Variants in GUCY2D observed in about 807,000 individuals in gnomAD.
The protein encoded by GUCY2D is retinal guanylyl cyclase 1.
GUCY2D carries 70 observed loss-of-function variants against 101.3 expected under a neutral mutation model. The ratio of observed to expected loss-of-function variants is 0.69; its 90% CI spans 0.57 to 0.84. GUCY2D has a LOEUF of 0.84. Among genes scored for constraint, GUCY2D ranks in the 40% least tolerant of loss-of-function variants. The pLI is 0.00. For missense variants in GUCY2D, 1,460 were observed against 1,542.5 expected (o/e 0.95, Z 0.90); for synonymous variants, 688 against 670.7 (o/e 1.03, Z -0.40).
Position 8,012,616 on chromosome 17 carries a change from C to G in GUCY2D, c.2113+10C>G. The G allele has an allele frequency of 6.2e-7, 1 of 1,608,570 alleles. No homozygotes were observed. Among genetic ancestry groups the G allele is most frequent in the South Asian group, 1.1e-5 (1 of 90,978 alleles). ...CCTCCCAGAGCGGAGGGTAAGAGTC[C>G]CCTGTGCAGACGAGGATCCACCGGG... On this transcript the variant is annotated intron_variant, in intron 10 of 19. Transcript: ENST00000254854.
At chr17:8,006,223 T>C in intron 3 of GUCY2D, 140 bp from the exon 4 acceptor site, 1 of 712,938 alleles carries the variant, frequency 1.4e-6, no homozygotes, top group Non-Finnish European at 2.5e-6. Context: ...GAGGAAGAGA[T>C]AGCCAATGGG....
rs1189197351 is a variant in GUCY2D at position 8,007,494 on chromosome 17, C to T, written c.1532C>T (p.Thr511Ile). 6.2e-7 allele frequency: 1 copy of T among 1,611,652 alleles called. No individual in the cohort carries two copies. Among genetic ancestry groups the T allele is most frequent in the African/African-American group, 1.3e-5 (1 of 74,880 alleles). ...ATCATCCTGACCGTGGACGACATCA[C>T]CTTTCTCCACCCACATGGGGGCACC... is the stretch of plus-strand genomic sequence containing the variant. ...NKIILTVDDI[T>I]FLHPHGGTSR... Residue 511 changes from threonine to isoleucine, a missense_variant, in exon 6 of 20, where the codon ACC (threonine) becomes ATC (isoleucine). Transcript: ENST00000254854.
At chr17:8,017,030 T>C (rs1286157889) in intron 19 of GUCY2D, among the ~76,000 whole-genome samples, 2 of 152,178 alleles carry the variant, frequency 1.3e-5, no homozygotes, top group Non-Finnish European at 2.9e-5. Context: ...TTCTTCAGGA[T>C]TGTTCTGGAA....
chr17:8,007,907 C>T, intron 6 of GUCY2D, 24 bp from the exon 7 acceptor site: 1 of 1,452,416 alleles, frequency 6.9e-7, no homozygotes, highest in Non-Finnish European at 9.7e-7. Context: ...ATTTTGACCT[C>T]TTGCATTGAC....
Position 8,016,301 on chromosome 17 carries a change from G to T in GUCY2D, c.3224+11G>T, listed in dbSNP as rs771645454. ...TGACCTGCAACCGGGGTGAGGGGCC[G>T]GCCTCCGCGGCAGGGCGAGGGACGA... On this transcript the variant is annotated intron_variant, in intron 18 of 19. Coordinates refer to ENST00000254854, the MANE Select transcript of GUCY2D (RefSeq NM_000180.4). 4 of 1,548,538 alleles carry T rather than the reference G, an allele frequency of 2.6e-6. No homozygotes were observed. In the South Asian group the frequency reaches 4.7e-5, roughly 18 times the overall value.
At chr17:8,006,824 G>T in intron 4 of GUCY2D, 110 bp downstream of exon 4, 1 of 1,041,548 alleles carries the variant, frequency 9.6e-7, no homozygotes, top group Admixed American at 2.0e-5. Flanking sequence ...GCCCTTCTAG[G>T]CCCTCTCCCA....
rs771232307 is a variant in GUCY2D at position 8,003,192 on chromosome 17, G to A, written c.145G>A (p.Ala49Thr). The A allele has an allele frequency of 2.0e-6, 3 of 1,517,348 alleles. No homozygotes were observed. Among genetic ancestry groups the A allele is most frequent in the African/African-American group, 2.9e-5 (2 of 69,438 alleles). The allele number at this position is 1,517,348 out of a possible 1,614,324, so 94.0% of individuals were successfully genotyped here. Residue 49 changes from alanine to threonine, a missense_variant, in exon 2 of 20, where the codon GCC becomes ACC. Ala to Thr is a moderately conservative substitution (Grantham distance 58). Around this residue, in one of 3 missense-constraint regions of GUCY2D, gnomAD observed 1,196 missense variants for 1,229.6 expected, o/e 0.97. Coordinates refer to ENST00000254854, the MANE Select transcript of GUCY2D (RefSeq NM_000180.4). ...LLLLLLLQPPALSAVFTVGVL... is the reference protein window; with the variant it reads ...LLLLLLLQPPTLSAVFTVGVL... The stretch of plus-strand genomic sequence containing the variant: ...GCTCCTGCTTCTGCTGCAGCCCCCC[G>A]CCCTCTCCGCCGTGTTCACGGTGGG...
chr17:8,017,866 TG>T (rs1976006918), intron 19 of GUCY2D, among the ~76,000 whole-genome samples: 1 of 152,104 alleles, frequency 6.6e-6, no homozygotes, highest in African/African-American at 2.4e-5. Context: ...GTAATTTTTT[TG>T]TGTGATTTTA....
chr17:8,014,835 G>T lies in GUCY2D; in HGVS notation c.2577-24G>T. 6.2e-7 allele frequency: 1 copy of T among 1,613,806 alleles called. No homozygotes were observed. The highest frequency in any genetic ancestry group is 1.1e-5 in the South Asian group (1 of 91,042). On this transcript the variant is annotated intron_variant, in intron 13 of 19. Coordinates refer to ENST00000254854, the MANE Select transcript of GUCY2D (RefSeq NM_000180.4). This position sits in a 1 kb window ranked among gnomAD's most constrained non-coding sequence, Gnocchi z 4.0. ...CAGCCAGGTAGAGTGGCCCCCAGGT[G>T]ACCTCACTGCCTGCCATCCCTAGGT... is the stretch of plus-strand genomic sequence containing the variant.
rs151268449 is a variant in GUCY2D, at chr17:8,019,390, C to T, written c.*25-738C>T. On this transcript the variant is annotated intron_variant, in intron 19 of 19. Transcript: ENST00000254854. ...GCAGGGCTCCTCCCGGAAGCAGAGG[C>T]GGATGAGCCAGAGGGCAGACCCAGT... Among the ~76,000 whole-genome samples the T allele has an allele frequency of 2.6e-5, 4 of 152,302 alleles. No homozygotes were observed. The East Asian group carries it at 5.8e-4, about 22-fold the overall frequency.
In GUCY2D at chr17:8,016,560, GC is replaced by G. The variant is rs1327739880; in HGVS notation, c.*24+11del. ...TGAGGCCCGGCCCCGGACAGGTACT[GC>G]CCCCTCAGCCCCAACCCCAGCTGCC... On this transcript the variant is annotated splice_region_variant and intron_variant, in intron 19 of 19. Coordinates refer to ENST00000254854, the MANE Select transcript of GUCY2D (RefSeq NM_000180.4). 1 of 1,366,794 alleles carries G rather than the reference GC, an allele frequency of 7.3e-7. No homozygotes were observed. Among genetic ancestry groups the G allele is most frequent in the Non-Finnish European group, 1.0e-6 (1 of 985,682 alleles). 84.7% of individuals were successfully genotyped at this position (1,366,794 alleles called of 1,614,324 possible).
At position 8,014,978 on chromosome 17, in the gene GUCY2D, T is replaced by C. The variant is rs780546534; in HGVS notation, c.2696T>C (p.Ile899Thr). The C allele has an allele frequency of 1.9e-6, 3 of 1,613,946 alleles. No individual in the cohort carries two copies. The highest frequency in any genetic ancestry group is 1.7e-5 in the Admixed American group (1 of 60,012). ...ACCATCTCTGCCATGAGTGAGCCCA[T>C]TGAGGTTGTGGACCTGCTCAACGAT... ...FTTISAMSEP[I>T]EVVDLLNDLY... The change falls in exon 14 of 20, where the codon ATT becomes ACT. Residue 899 changes from isoleucine (I) to threonine (T), a missense_variant. This residue lies in a region of GUCY2D where 49 missense variants were observed against 85.0 expected (regional missense o/e 0.58). Transcript: ENST00000254854. This position sits in a 1 kb window ranked among gnomAD's most constrained non-coding sequence, Gnocchi z 4.0.
At position 8,007,127 on chromosome 17, in the gene GUCY2D, C is replaced by A. The variant is rs572166519; in HGVS notation, c.1446C>A (p.Phe482Leu). 32 of 1,612,574 alleles carry A rather than the reference C, an allele frequency of 2.0e-5. No homozygotes were observed. Among genetic ancestry groups the A allele is most frequent in the Middle Eastern group, 1.7e-4 (1 of 6,058 alleles). ...LVVGMGLAGA[F>L]LAHYVRHRLL... ...TTGGGATGGGGCTGGCTGGGGCCTT[C>A]CTGGCCCATTATGTGAGGTGAGTAG... Residue 482 changes from phenylalanine (F) to leucine (L), a missense_variant, in exon 5 of 20, where the codon TTC becomes TTA. Physicochemically the swap from Phe to Leu is conservative, Grantham distance 22. This residue lies in a region of GUCY2D where 1,196 missense variants were observed against 1,229.6 expected (regional missense o/e 0.97). Coordinates refer to ENST00000254854, the MANE Select transcript of GUCY2D (RefSeq NM_000180.4).
At position 8,015,388 on chromosome 17, in the gene GUCY2D, C is replaced by G. The variant is rs756575304; in HGVS notation, c.2830C>G (p.Arg944Gly). Residue 944 changes from arginine (R) to glycine (G), a missense_variant, in exon 15 of 20, where the codon CGA becomes GGA. Physicochemically the swap from Arg to Gly is moderately radical, Grantham distance 125. Coordinates refer to ENST00000254854, the MANE Select transcript of GUCY2D (RefSeq NM_000180.4). Reference protein sequence around the residue: ...ASGLPQRNGQRHAAEIANMSL... With the variant: ...ASGLPQRNGQGHAAEIANMSL... The stretch of plus-strand genomic sequence containing the variant: ...GGGGCTGCCCCAGCGGAATGGGCAG[C>G]GACACGCGGCAGAGATCGCCAACAT... 80 of 1,612,688 alleles carry G rather than the reference C, an allele frequency of 5.0e-5. No individual in the cohort carries two copies. The highest frequency in any genetic ancestry group is 6.4e-5 in the Non-Finnish European group (76 of 1,179,870).
At position 8,005,897 on chromosome 17, in the gene GUCY2D, G is replaced by T. The variant is rs112085163; in HGVS notation, c.1027-466G>T. Among the ~76,000 whole-genome samples, 842 of 151,180 alleles carry T rather than the reference G, an allele frequency of 5.6e-3. 12 individuals carry two copies. Among genetic ancestry groups the T allele is most frequent in the African/African-American group, 0.019 (784 of 40,666 alleles). Reference sequence around the variant, plus strand: ...TGTTTGTTTTTTGTTTAGTTTTTTTGTTTGTTTGTTTGTTTTTTTAAGGAA... The same window carrying T: ...TGTTTGTTTTTTGTTTAGTTTTTTTTTTTGTTTGTTTGTTTTTTTAAGGAA... On this transcript the variant is annotated intron_variant, in intron 3 of 19. Coordinates refer to ENST00000254854, the MANE Select transcript of GUCY2D (RefSeq NM_000180.4).
At chr17:8,015,085 T>C in intron 14 of GUCY2D, 34 bp downstream of exon 14, 1 of 1,570,678 alleles carries the variant, frequency 6.4e-7, no homozygotes, top group South Asian at 1.1e-5. Context: ...CTCCTGACCT[T>C]CAATTCAGCT....
In GUCY2D at chr17:8,002,904, C is replaced by G. The variant is rs1975652281; in HGVS notation, c.-9-135C>G. ...GTGTCCTTGGCCCCAGTTAGTCTTCCCAGCCTCCGGAGGGGGCGGTAGCAG... is the reference window on the plus strand; with the variant it reads ...GTGTCCTTGGCCCCAGTTAGTCTTCGCAGCCTCCGGAGGGGGCGGTAGCAG... On this transcript the variant is annotated intron_variant, in intron 1 of 19. Transcript: ENST00000254854. The surrounding 1 kb of genome is among the most constrained non-coding windows in gnomAD (Gnocchi z 4.9). 1 of 674,178 alleles carries G rather than the reference C, an allele frequency of 1.5e-6. No individual in the cohort carries two copies. The highest frequency in any genetic ancestry group is 2.4e-6 in the Non-Finnish European group (1 of 420,952). 41.8% of individuals were successfully genotyped at this position (674,178 alleles called of 1,614,324 possible).
At chr17:8,010,963 T>C (rs62065069) in intron 8 of GUCY2D, among the ~76,000 whole-genome samples, 1 of 152,150 alleles carries the variant, frequency 6.6e-6, no homozygotes, top group Non-Finnish European at 1.5e-5. Flanking sequence ...CAGTCAGTCC[T>C]GTCTTCCCTA....
In GUCY2D at chr17:8,007,972, G is replaced by A. The variant is rs759173115; in HGVS notation, c.1608G>A (p.Met536Ile). The change falls in exon 7 of 20, where the codon ATG becomes ATA. Residue 536 changes from methionine to isoleucine, a missense_variant. Around this residue, in one of 3 missense-constraint regions of GUCY2D, gnomAD observed 1,196 missense variants for 1,229.6 expected, o/e 0.97. Coordinates refer to ENST00000254854, the MANE Select transcript of GUCY2D (RefSeq NM_000180.4). The part of the protein sequence containing the change: ...GSRSSLGARS[M>I]SDIRSGPSQH... ...GATCAAGTCTGGGTGCCCGCAGCAT[G>A]TCAGACATTCGCAGCGGCCCCAGCC... 9.3e-6 allele frequency: 15 copies of A among 1,613,950 alleles called. No homozygotes were observed. The South Asian group carries it at 1.5e-4, about 17-fold the overall frequency.
Sources: gnomAD v4.1 joint callset for allele counts (sites outside exome capture counted in the v4.1 genomes callset) on GRCh38, gnomAD v4.1.1 for gene constraint, gnomAD v4.1.1 regional missense constraint, Gnocchi (gnomAD v3.1) non-coding constraint, MANE v1.5 for transcripts, NCBI Gene and HGNC (gene_info 2026-07-23, HGNC 2026-07-21) for gene names.